PIK3C2G: variants seen among roughly 807,000 people sequenced by gnomAD.
The protein encoded by PIK3C2G is phosphatidylinositol-4-phosphate 3-kinase catalytic subunit type 2 gamma, also known as phosphatidylinositol 3-kinase C2 domain-containing subunit gamma.
In PIK3C2G, 168 loss-of-function variants were observed where a neutral mutation model predicts 181.1. The ratio of observed to expected loss-of-function variants is 0.93; its 90% CI spans 0.82 to 1.05. PIK3C2G has a LOEUF of 1.05. PIK3C2G is among the 50% of genes least tolerant of loss of function. PIK3C2G has a pLI of 0.00. For synonymous variants in PIK3C2G, 573 were observed against 592.2 expected (o/e 0.97, Z 0.47); for missense variants, 1,869 against 1,732.8 (o/e 1.08, Z -1.40).
chr12:18,370,749 G>T (rs984215591), intron 12 of PIK3C2G, among the ~76,000 whole-genome samples: 1 of 151,996 alleles, frequency 6.6e-6, no homozygotes, highest in East Asian at 1.9e-4. Context: ...ATATGCCCTT[G>T]TCTGTGCTTT....
chr12:18,668,537 T>TG, the PIK3C2G span, among the ~76,000 whole-genome samples: 2 of 152,152 alleles, frequency 1.3e-5, no homozygotes, highest in African/African-American at 4.8e-5. Flanking sequence ...GCAACCCTAG[T>TG]GCCCTTTGCC....
At chr12:18,282,826 A>T in intron 2 of PIK3C2G, 67 bp downstream of exon 2, 1 of 1,101,602 alleles carries the variant, frequency 9.1e-7, no homozygotes, top group East Asian at 2.4e-5. Context: ...GTATTGGGTT[A>T]ATTTGGTAAT....
intron 10 of PIK3C2G, among the ~76,000 whole-genome samples, chr12:18,345,980 T>G (rs1939634382): frequency 6.6e-6 from 1 of 152,208 alleles, no homozygotes; most frequent in Non-Finnish European, 1.5e-5. Context: ...CTCCTATAAC[T>G]AGTAATTTTT....
chr12:18,341,074 C>A (rs1592002076), intron 9 of PIK3C2G, among the ~76,000 whole-genome samples: 1 of 152,196 alleles, frequency 6.6e-6, no homozygotes, highest in East Asian at 1.9e-4. Flanking sequence ...ATGTCCAGTT[C>A]TTAACGAATT....
chr12:18,623,177 A>C (rs1948940141), intron 31 of PIK3C2G, among the ~76,000 whole-genome samples: 1 of 151,778 alleles, frequency 6.6e-6, no homozygotes, highest in Admixed American at 6.6e-5. Context: ...ACAGTTTAAG[A>C]TCTTATATTT....
chr12:18,562,883 A>G lies in PIK3C2G; in HGVS notation c.3771A>G (p.Lys1257=). ...ERATILGFSK[K]SSNLYLIQVT... is the part of the protein sequence containing the mutation. ...CAACAATTTTAGGGTTCAGCAAGAA[A>G]TCCAGTAATGTAAGTTTAAAGTCCG... The change falls in exon 27 of 33, where the codon AAA becomes AAG. Residue 1257 remains lysine (K), a synonymous_variant. Transcript: ENST00000538779. 6.3e-7 allele frequency: 1 copy of G among 1,593,636 alleles called. No homozygotes were observed. Among genetic ancestry groups the G allele is most frequent in the Non-Finnish European group, 8.6e-7 (1 of 1,168,194 alleles).
chr12:18,506,100 G>A (rs1006488393), intron 24 of PIK3C2G, among the ~76,000 whole-genome samples: 10 of 152,136 alleles, frequency 6.6e-5, no homozygotes, highest in African/African-American at 2.4e-4. Context: ...GAGGCATCTC[G>A]GAAGACATGA....
chr12:18,412,648 T>C (rs1944928802), intron 16 of PIK3C2G, among the ~76,000 whole-genome samples: 1 of 152,216 alleles, frequency 6.6e-6, no homozygotes. Context: ...TGCAAATGAA[T>C]TGATAAATAT....
At chr12:18,591,027 T>C (rs1433776899) in intron 29 of PIK3C2G, among the ~76,000 whole-genome samples, 4 of 151,960 alleles carry the variant, frequency 2.6e-5, no homozygotes, top group Non-Finnish European at 5.9e-5. Context: ...AGAAAAGTAA[T>C]TGACTAGTTG....
At chr12:18,542,378 A>G (rs1234641983) in intron 25 of PIK3C2G, among the ~76,000 whole-genome samples, 1 of 151,856 alleles carries the variant, frequency 6.6e-6, no homozygotes, top group Non-Finnish European at 1.5e-5. Context: ...TTCATTGCCT[A>G]ATAGCATCAA....
intron 21 of PIK3C2G, among the ~76,000 whole-genome samples, chr12:18,496,504 T>C (rs1941024022): frequency 6.6e-6 from 1 of 152,216 alleles, no homozygotes; most frequent in Non-Finnish European, 1.5e-5. Flanking sequence ...TAACTGGAAC[T>C]GAAATGACAT....
the PIK3C2G span, chr12:18,712,765 A>G: frequency 2.0e-6 from 3 of 1,521,216 alleles, no homozygotes; most frequent in Non-Finnish European, 1.8e-6. Flanking sequence ...AAGGCTAAGC[A>G]TTATAGGATT....
intron 16 of PIK3C2G, among the ~76,000 whole-genome samples, chr12:18,419,960 G>A (rs1185059927): frequency 6.6e-6 from 1 of 152,140 alleles, no homozygotes; most frequent in Non-Finnish European, 1.5e-5. Context: ...CCTACTGGAA[G>A]CCAATCTTTA....
intron 26 of PIK3C2G, among the ~76,000 whole-genome samples, chr12:18,548,420 G>A (rs1444478261): frequency 6.6e-6 from 1 of 151,954 alleles, no homozygotes; most frequent in African/African-American, 2.4e-5. Flanking sequence ...TTCAGGCCCT[G>A]GCCAAAAGAG....
At position 18,371,294 on chromosome 12, in the gene PIK3C2G, T is replaced by C; in HGVS notation, c.1863T>C (p.Leu621=). 1.9e-6 allele frequency: 3 copies of C among 1,609,224 alleles called. No homozygotes were observed. Among genetic ancestry groups the C allele is most frequent in the Non-Finnish European group, 2.5e-6 (3 of 1,177,810 alleles). The change falls in exon 13 of 33, where the codon CTT becomes CTC. Residue 621 remains leucine, a synonymous_variant. Coordinates refer to ENST00000538779, the MANE Select transcript of PIK3C2G (RefSeq NM_001288772.2). ...NNANLLAWTC[L]PLFPKEKSIL... ...CAAATTTACTGGCGTGGACTTGTCT[T>C]CCACTGTTTCCAAAAGAGTAAGTGT...
upstream of PIK3C2G, among the ~76,000 whole-genome samples, chr12:18,258,036 G>A (rs1306176987): frequency 6.6e-6 from 1 of 152,108 alleles, no homozygotes; most frequent in African/African-American, 2.4e-5. Context: ...TCTAGAGTAA[G>A]GCATGTCCAC....
intron 7 of PIK3C2G, among the ~76,000 whole-genome samples, chr12:18,324,738 T>TA (rs1490015558): frequency 4.6e-5 from 7 of 152,356 alleles, no homozygotes; most frequent in African/African-American, 1.4e-4. Flanking sequence ...CTTTGCAACT[T>TA]ACGGTTTGAA....
rs376034743 is a variant in PIK3C2G, at chr12:18,401,309, A to T, written c.2315+1462A>T. Among the ~76,000 whole-genome samples the T allele has an allele frequency of 3.9e-5, 6 of 152,320 alleles. No individual in the cohort carries two copies. The East Asian group carries it at 1.2e-3, about 29-fold the overall frequency. ...GTGCAGTTGCATTAGTTAATAAAAT[A>T]GTCATGTGGTAATTAACAATTGATT... On this transcript the variant is annotated intron_variant, in intron 16 of 32. Transcript: ENST00000538779.
At chr12:18,381,987 G>C in intron 14 of PIK3C2G, 107 bp downstream of exon 14, 1 of 708,420 alleles carries the variant, frequency 1.4e-6, no homozygotes, top group Non-Finnish European at 2.6e-6. Flanking sequence ...CATTTTAATA[G>C]CCTTCTCTGC....
Sources: allele counts gnomAD v4.1 joint callset (sites outside exome capture counted in the v4.1 genomes callset), GRCh38; gene constraint gnomAD v4.1.1; transcripts MANE v1.5; gene names NCBI Gene and HGNC (gene_info 2026-07-23, HGNC 2026-07-21).